The following ANKHD1 variants were observed in gnomAD, a reference collection of about 807,000 sequenced individuals.
ANKHD1 encodes ankyrin repeat and KH domain containing 1.
Under a neutral mutation model 230.5 loss-of-function variants are expected in ANKHD1, and 31 were observed. That is an observed-to-expected ratio of 0.13 (90% CI 0.10 to 0.18). The LOEUF is 0.18. Among genes scored for constraint, ANKHD1 ranks in the 10% least tolerant of loss-of-function variants. The probability of loss-of-function intolerance (pLI) is 1.00; values close to 1 mark genes in which losing one functional copy is unlikely to be tolerated. For synonymous variants in ANKHD1, 1,074 were observed against 1,117.6 expected (o/e 0.96, Z 0.78); for missense variants, 2,256 against 3,071.3 (o/e 0.73, Z 6.27).
intron 14 of ANKHD1, among the ~76,000 whole-genome samples, chr5:140,495,249 C>A (rs945076892): frequency 9.7e-5 from 12 of 123,742 alleles, no homozygotes; most frequent in African/African-American, 3.8e-4. Context: ...AATAGTCCTA[C>A]TTTTTTTTTT....
chr5:140,527,799 A>T lies in ANKHD1; in HGVS notation c.5088-74A>T. On this transcript the variant is annotated intron_variant, in intron 27 of 33. Transcript: ENST00000360839. The surrounding 1 kb of genome is among the most constrained non-coding windows in gnomAD (Gnocchi z 4.5). ...GTTATTCTCCAAAATGTCCATGAAC[A>T]TACTTACTAAGACATCTTTCTTAAT... 1 of 1,473,698 alleles carries T rather than the reference A, an allele frequency of 6.8e-7. No homozygotes were observed. Among genetic ancestry groups the T allele is most frequent in the South Asian group, 1.5e-5 (1 of 67,030 alleles). The allele number at this position is 1,473,698 out of a possible 1,614,324, so 91.3% of individuals were successfully genotyped here.
intron 7 of ANKHD1, among the ~76,000 whole-genome samples, chr5:140,450,988 A>G (rs1408847148): frequency 3.9e-5 from 6 of 152,052 alleles, no homozygotes; most frequent in Non-Finnish European, 5.9e-5. Context: ...CCCCATCTCT[A>G]CTAAAATACA....
chr5:140,449,214 A>G lies in ANKHD1; in HGVS notation c.1151A>G (p.His384Arg), dbSNP rs1774516176. ...SALTLACYKGHLDMVRFLLEA... is the reference protein window; with the variant it reads ...SALTLACYKGRLDMVRFLLEA... ...AATTTTTGTTCCTTTTTTCAAGGCC[A>G]TTTGGATATGGTTCGCTTTCTACTT... is the stretch of plus-strand genomic sequence containing the variant. Residue 384 changes from histidine to arginine, a missense_variant, in exon 7 of 34, where the codon CAT becomes CGT. Coordinates refer to ENST00000360839, the MANE Select transcript of ANKHD1 (RefSeq NM_017747.3). 3 of 1,610,428 alleles carry G rather than the reference A, an allele frequency of 1.9e-6. No individual in the cohort carries two copies. Among genetic ancestry groups the G allele is most frequent in the Non-Finnish European group, 2.5e-6 (3 of 1,177,992 alleles).
chr5:140,452,448 A>T (rs1187364093), intron 7 of ANKHD1, among the ~76,000 whole-genome samples: 1 of 152,214 alleles, frequency 6.6e-6, no homozygotes, highest in Non-Finnish European at 1.5e-5. Context: ...ACCCCTGAGT[A>T]GCCTAACTGG....
intron 14 of ANKHD1, among the ~76,000 whole-genome samples, chr5:140,491,135 T>C (rs372915725): frequency 0.029 from 2,202 of 75,084 alleles, 83 homozygotes; most frequent in African/African-American, 0.048. Flanking sequence ...TATATATATA[T>C]ACACATATAT....
chr5:140,475,104 G>A (rs1411234935), intron 10 of ANKHD1, among the ~76,000 whole-genome samples: 1 of 152,112 alleles, frequency 6.6e-6, no homozygotes, highest in Non-Finnish European at 1.5e-5. Context: ...CTATGTTATT[G>A]TGTATTGAAT....
At chr5:140,502,255 A>G (rs1752339629) in intron 15 of ANKHD1, among the ~76,000 whole-genome samples, 2 of 152,178 alleles carry the variant, frequency 1.3e-5, no homozygotes, top group Non-Finnish European at 2.9e-5. Flanking sequence ...TCCTAGTTTT[A>G]GAACTTTTCA....
chr5:140,508,566 C>A (rs924294914), intron 20 of ANKHD1, among the ~76,000 whole-genome samples: 1 of 151,978 alleles, frequency 6.6e-6, no homozygotes, highest in Non-Finnish European at 1.5e-5. Context: ...CCAGCCTGAC[C>A]AATATGGTGA....
intron 1 of ANKHD1, among the ~76,000 whole-genome samples, chr5:140,410,803 G>A (rs574680896): frequency 9.2e-5 from 14 of 151,976 alleles, no homozygotes; most frequent in African/African-American, 2.7e-4. Context: ...AGATACTTTC[G>A]TTATTTTATT....
intron 1 of ANKHD1, among the ~76,000 whole-genome samples, chr5:140,406,474 A>C (rs1477071401): frequency 6.6e-6 from 1 of 152,114 alleles, no homozygotes; most frequent in Non-Finnish European, 1.5e-5. Context: ...TATCAGAGCC[A>C]AGAGCTGAGA....
intron 1 of ANKHD1, among the ~76,000 whole-genome samples, chr5:140,432,232 C>T (rs1773102737): frequency 2.6e-5 from 4 of 152,188 alleles, no homozygotes; most frequent in Admixed American, 2.6e-4. Flanking sequence ...TTCAGACTCA[C>T]TTACAGTCAC....
At chr5:140,524,314 T>C (rs1378146920) in intron 25 of ANKHD1, 74 bp downstream of exon 25, 2 of 1,431,414 alleles carry the variant, frequency 1.4e-6, no homozygotes, top group African/African-American at 3.0e-5. Context: ...TGCTCTTTGC[T>C]CTAGTTAACT....
chr5:140,442,306 A>T (rs1372294675), intron 5 of ANKHD1, among the ~76,000 whole-genome samples: 1 of 151,862 alleles, frequency 6.6e-6, no homozygotes, highest in Non-Finnish European at 1.5e-5. Context: ...AGCCTCCCAA[A>T]GTGCTGGGAT....
chr5:140,513,284 G>T, intron 23 of ANKHD1, 79 bp from the exon 24 acceptor site: 1 of 1,379,122 alleles, frequency 7.3e-7, no homozygotes, highest in Non-Finnish European at 9.8e-7. Context: ...TTAACCTCTG[G>T]ACTTTAATGT....
intron 7 of ANKHD1, among the ~76,000 whole-genome samples, chr5:140,457,778 C>A (rs1164575084): frequency 6.6e-6 from 1 of 151,616 alleles, no homozygotes; most frequent in African/African-American, 2.4e-5. Context: ...GGATGCAGCA[C>A]ACCAACATGG....
intron 29 of ANKHD1, 144 bp downstream of exon 29, chr5:140,529,940 A>G (rs1457920782): frequency 2.2e-5 from 29 of 1,307,376 alleles, no homozygotes; most frequent in East Asian, 5.4e-5. Context: ...TCTGTCCCTC[A>G]TAGTAAGGAA....
intron 1 of ANKHD1, among the ~76,000 whole-genome samples, chr5:140,406,014 T>C (rs1285200593): frequency 6.6e-6 from 1 of 151,508 alleles, no homozygotes. Flanking sequence ...CCAAGGCGGG[T>C]GGATCAGCTG....
At chr5:140,415,521 C>T (rs1425656823) in intron 1 of ANKHD1, among the ~76,000 whole-genome samples, 4 of 149,356 alleles carry the variant, frequency 2.7e-5, no homozygotes, top group Non-Finnish European at 5.9e-5. Context: ...TCACTGTAAC[C>T]TCCACCTTCT....
In ANKHD1 at chr5:140,529,621, C is replaced by G. The variant is rs561754605; in HGVS notation, c.6675C>G (p.Asn2225Lys). 1.9e-6 allele frequency: 3 copies of G among 1,614,150 alleles called. No individual in the cohort carries two copies. Among genetic ancestry groups the G allele is most frequent in the East Asian group, 4.5e-5 (2 of 44,878 alleles). ...TTGATAGTAGTCAGGTGCCAGCTAA[C>G]CAGGGCTGGGGAGATGGTCCACTGT... The part of the protein sequence containing the change: ...SLFDSSQVPA[N>K]QGWGDGPLSS... Residue 2225 changes from asparagine to lysine, a missense_variant, in exon 29 of 34, where the codon AAC becomes AAG. Asn to Lys is a moderately conservative substitution (Grantham distance 94). This residue lies in a region of ANKHD1 where 778 missense variants were observed against 966.5 expected (regional missense o/e 0.80). Coordinates refer to ENST00000360839, the MANE Select transcript of ANKHD1 (RefSeq NM_017747.3).
Sources: allele counts gnomAD v4.1 joint callset (sites outside exome capture counted in the v4.1 genomes callset), GRCh38; gene constraint gnomAD v4.1.1; regional missense constraint gnomAD v4.1.1; non-coding constraint Gnocchi (gnomAD v3.1); transcripts MANE v1.5; gene names NCBI Gene and HGNC (gene_info 2026-07-23, HGNC 2026-07-21).